Variants in ASCC2 observed in about 807,000 individuals in gnomAD.
The protein encoded by ASCC2 is activating signal cointegrator 1 complex subunit 2.
In ASCC2, 42 loss-of-function variants were observed where a neutral mutation model predicts 93.5. The ratio of observed to expected loss-of-function variants is 0.45; its 90% CI spans 0.35 to 0.58. The LOEUF (loss-of-function observed/expected upper bound fraction) is 0.58, where lower values mean the gene tolerates loss of function less well. Ranked by LOEUF, ASCC2 falls within the 20% of genes least tolerant of loss-of-function variation. ASCC2 has a pLI of 0.00. For synonymous variants in ASCC2, 364 were observed against 384.2 expected, an observed-to-expected ratio of 0.95 and a Z score of 0.62; for missense variants, 859 against 977.6, an observed-to-expected ratio of 0.88 and a Z score of 1.62.
intron 11 of ASCC2, 28 bp from the exon 12 acceptor site, chr22:29,806,318 G>A: frequency 6.2e-7 from 1 of 1,609,722 alleles, no homozygotes; most frequent in Non-Finnish European, 8.5e-7. Context: ...CAGATGGGAT[G>A]GACAGAGCTG....
chr22:29,793,237 A>C, intron 17 of ASCC2, 123 bp downstream of exon 17: 1 of 1,360,534 alleles, frequency 7.4e-7, no homozygotes, highest in Admixed American at 1.8e-5. Context: ...GCACTGGATT[A>C]GGAGTCAGGA....
intron 15 of ASCC2, among the ~76,000 whole-genome samples, chr22:29,794,553 T>G (rs1349750241): frequency 6.6e-6 from 1 of 152,146 alleles, no homozygotes; most frequent in Non-Finnish European, 1.5e-5. Flanking sequence ...ATATTCCCTG[T>G]CAAGGCATCT....
At chr22:29,804,519 C>CA in intron 13 of ASCC2, 119 bp downstream of exon 13, 6 of 1,299,006 alleles carry the variant, frequency 4.6e-6, no homozygotes, top group South Asian at 1.4e-5. Flanking sequence ...GTCTATTCCC[C>CA]AAAAAAACTT....
At chr22:29,827,558 C>T (rs757866365) in intron 2 of ASCC2, 8 of 470,802 alleles carry the variant, frequency 1.7e-5, no homozygotes, top group Non-Finnish European at 3.5e-5. Flanking sequence ...AGGACCCCCT[C>T]CCATTTAAAT....
intron 5 of ASCC2, among the ~76,000 whole-genome samples, chr22:29,821,407 T>C (rs2148136240): frequency 6.6e-6 from 1 of 152,344 alleles, no homozygotes; most frequent in African/African-American, 2.4e-5. Context: ...GAGAGTCAGG[T>C]CTACGTTTAC....
At chr22:29,804,586 T>A in intron 13 of ASCC2, 52 bp downstream of exon 13, 3 of 1,579,432 alleles carry the variant, frequency 1.9e-6, no homozygotes, top group Non-Finnish European at 2.6e-6. Context: ...GCCTCTCAGA[T>A]AGGGCCAAGG....
rs559181425 is a variant in ASCC2 at position 29,810,815 on chromosome 22, C to T, written c.833+2615G>A. Among the ~76,000 whole-genome samples the T allele has an allele frequency of 5.9e-5, 9 of 152,090 alleles. No individual in the cohort carries two copies. In the South Asian group the frequency reaches 1.9e-3, roughly 32 times the overall value. On this transcript the variant is annotated intron_variant, in intron 8 of 19. Transcript: ENST00000307790. Reference sequence around the variant, plus strand: ...GTGCAATCCCTGCTCACTGCAACCTCCGCCTCCCGGTTTCAAGCAATTCTC... The same window carrying T: ...GTGCAATCCCTGCTCACTGCAACCTTCGCCTCCCGGTTTCAAGCAATTCTC...
At chr22:29,792,334 G>A in intron 18 of ASCC2, 99 bp downstream of exon 18, 1 of 1,545,038 alleles carries the variant, frequency 6.5e-7, no homozygotes. Context: ...TGATGCTGGG[G>A]CTGCCTCAGG....
chr22:29,830,347 G>C (rs1013949742), intron 2 of ASCC2, among the ~76,000 whole-genome samples: 15 of 152,180 alleles, frequency 9.9e-5, no homozygotes, highest in Non-Finnish European at 2.2e-4. Context: ...TGAACACGAA[G>C]CCTGTACTTG....
chr22:29,822,001 T>G, intron 5 of ASCC2: 1 of 409,636 alleles, frequency 2.4e-6, no homozygotes, highest in South Asian at 1.7e-5. Flanking sequence ...TTTGTCTTTT[T>G]TCTTTTTTTT....
At chr22:29,830,304 G>C (rs2148352447) in intron 2 of ASCC2, among the ~76,000 whole-genome samples, 1 of 152,296 alleles carries the variant, frequency 6.6e-6, no homozygotes, top group South Asian at 2.1e-4. Context: ...CTTGCCCAAA[G>C]ACACAAAGAC....
At chr22:29,803,337 T>C (rs954966326) in intron 13 of ASCC2, among the ~76,000 whole-genome samples, 1 of 152,174 alleles carries the variant, frequency 6.6e-6, no homozygotes, top group African/African-American at 2.4e-5. Flanking sequence ...AGGGACTGTA[T>C]GACTTACCAG....
In ASCC2 at chr22:29,825,716, G is replaced by C; in HGVS notation, c.146C>G (p.Pro49Arg). The C allele has an allele frequency of 6.2e-7, 1 of 1,614,216 alleles. No homozygotes were observed. Among genetic ancestry groups the C allele is most frequent in the Non-Finnish European group, 8.5e-7 (1 of 1,180,030 alleles). Residue 49 changes from proline to arginine, a missense_variant, in exon 3 of 20, where the codon CCC (proline) becomes CGC (arginine). Pro to Arg is a moderately radical substitution (Grantham distance 103). Coordinates refer to ENST00000307790, the MANE Select transcript of ASCC2 (RefSeq NM_032204.5). This position sits in a 1 kb window ranked among gnomAD's most constrained non-coding sequence, Gnocchi z 4.9. ...LYKPPPKDNIPALVEEYLERA... is the reference protein window; with the variant it reads ...LYKPPPKDNIRALVEEYLERA... ...TTCCAGGTACTCCTCCACTAGGGCG[G>C]GAATGTTGTCTTTAGGGGGCGGTTT...
chr22:29,798,050 ACGCC>A (rs559218696), intron 15 of ASCC2, among the ~76,000 whole-genome samples: 2 of 152,220 alleles, frequency 1.3e-5, no homozygotes, highest in South Asian at 4.1e-4. Context: ...TACAGCCACC[ACGCC>A]CAGCCGGCAC....
intron 18 of ASCC2, among the ~76,000 whole-genome samples, chr22:29,790,978 T>C (rs1163540315): frequency 6.6e-6 from 1 of 152,096 alleles, no homozygotes; most frequent in Non-Finnish European, 1.5e-5. Flanking sequence ...TAGCAGCATG[T>C]GTGGGAGTGC....
At chr22:29,819,218 T>C (rs570702647) in intron 5 of ASCC2, among the ~76,000 whole-genome samples, 16 of 152,288 alleles carry the variant, frequency 1.1e-4, no homozygotes, top group African/African-American at 3.8e-4. Context: ...TGGAGTGCAA[T>C]GGCACAATCT....
At chr22:29,806,167 G>A in intron 12 of ASCC2, 49 bp downstream of exon 12, 1 of 1,584,896 alleles carries the variant, frequency 6.3e-7, no homozygotes, top group Non-Finnish European at 8.7e-7. Context: ...TCTCACCTCT[G>A]ACCTAGTCAA....
chr22:29,793,799 G>A, intron 15 of ASCC2, 123 bp from the exon 16 acceptor site: 1 of 849,910 alleles, frequency 1.2e-6, no homozygotes, highest in Non-Finnish European at 1.8e-6. Flanking sequence ...GGAGACAAAT[G>A]AAATCAAGCA....
chr22:29,793,505 G>A lies in ASCC2; in HGVS notation c.1789-15C>T, dbSNP rs372907029. The A allele has an allele frequency of 2.5e-6, 4 of 1,614,014 alleles. No individual in the cohort carries two copies. The African/African-American group carries it at 5.3e-5, about 22-fold the overall frequency. On this transcript the variant is annotated splice_polypyrimidine_tract_variant and intron_variant, in intron 16 of 19. Coordinates refer to ENST00000307790, the MANE Select transcript of ASCC2 (RefSeq NM_032204.5). ...TGCAGTGGCACCTGCAATGGCATAAGCATGGGTCTGGGGGGCTCAGGGGCT... is the reference window on the plus strand; with the variant it reads ...TGCAGTGGCACCTGCAATGGCATAAACATGGGTCTGGGGGGCTCAGGGGCT...
Sources: allele counts gnomAD v4.1 joint callset (sites outside exome capture counted in the v4.1 genomes callset), GRCh38; gene constraint gnomAD v4.1.1; non-coding constraint Gnocchi (gnomAD v3.1); transcripts MANE v1.5; gene names NCBI Gene and HGNC (gene_info 2026-07-23, HGNC 2026-07-21).